LRMDA: variants seen among roughly 807,000 people sequenced by gnomAD.
LRMDA encodes the protein leucine rich melanocyte differentiation associated.
LRMDA carries 18 observed loss-of-function variants against 29.8 expected under a neutral mutation model. The observed-to-expected ratio is 0.60, with a 90% CI of 0.42 to 0.90. The LOEUF (loss-of-function observed/expected upper bound fraction) is 0.90, where lower values mean the gene tolerates loss of function less well. Ranked by LOEUF, LRMDA falls within the 40% of genes least tolerant of loss-of-function variation. The probability of loss-of-function intolerance (pLI) is 0.00; values close to 1 mark genes in which losing one functional copy is unlikely to be tolerated. For missense variants in LRMDA, 273 were observed against 273.9 expected (o/e 1.00, Z 0.02); for synonymous variants, 125 against 109.4 (o/e 1.14, Z -0.89).
intron 2 of LRMDA, among the ~76,000 whole-genome samples, chr10:75,537,933 G>T (rs1264699053): frequency 6.6e-6 from 1 of 152,060 alleles, no homozygotes; most frequent in African/African-American, 2.4e-5. Flanking sequence ...AATCCTAACC[G>T]TGTATATACC....
chr10:76,527,944 A>T (rs752444709), intron 6 of LRMDA, among the ~76,000 whole-genome samples: 4 of 152,264 alleles, frequency 2.6e-5, no homozygotes, highest in Non-Finnish European at 5.9e-5. Context: ...AGTGAGAAAC[A>T]TGTGGTAATG....
chr10:75,673,639 T>C (rs1377321435), intron 2 of LRMDA, among the ~76,000 whole-genome samples: 1 of 152,184 alleles, frequency 6.6e-6, no homozygotes, highest in East Asian at 1.9e-4. Flanking sequence ...GAATGATAAA[T>C]TGCTGAGCAG....
chr10:75,440,652 G>A (rs1367078701), intron 2 of LRMDA, among the ~76,000 whole-genome samples: 2 of 152,116 alleles, frequency 1.3e-5, no homozygotes, highest in Admixed American at 6.5e-5. Context: ...AAGAAGATTC[G>A]AGCTTATTTG....
At chr10:75,793,340 G>C (rs1417132419) in intron 2 of LRMDA, among the ~76,000 whole-genome samples, 1 of 152,140 alleles carries the variant, frequency 6.6e-6, no homozygotes, top group African/African-American at 2.4e-5. Context: ...CAGTGTACTG[G>C]GTTGCTCTAA....
intron 2 of LRMDA, among the ~76,000 whole-genome samples, chr10:75,654,844 G>A (rs1841647072): frequency 1.3e-5 from 2 of 152,170 alleles, no homozygotes; most frequent in Non-Finnish European, 2.9e-5. Context: ...GACAACAGAA[G>A]ACAATGAAAA....
intron 2 of LRMDA, among the ~76,000 whole-genome samples, chr10:75,554,092 T>G (rs984400082): frequency 6.6e-6 from 1 of 152,226 alleles, no homozygotes; most frequent in Non-Finnish European, 1.5e-5. Context: ...AGTCACACTT[T>G]GAAATTAAGT....
chr10:76,157,696 T>G (rs1419148510), intron 5 of LRMDA, among the ~76,000 whole-genome samples: 1 of 152,066 alleles, frequency 6.6e-6, no homozygotes, highest in Non-Finnish European at 1.5e-5. Context: ...TGACTCATTT[T>G]TTAGCATTAG....
At chr10:76,481,944 C>T (rs946818124) in intron 6 of LRMDA, among the ~76,000 whole-genome samples, 1 of 151,912 alleles carries the variant, frequency 6.6e-6, no homozygotes, top group Admixed American at 6.6e-5. Context: ...GCTTGATCTG[C>T]AAACTATGTT....
At chr10:76,442,657 A>G (rs1314164241) in intron 6 of LRMDA, among the ~76,000 whole-genome samples, 1 of 152,188 alleles carries the variant, frequency 6.6e-6, no homozygotes, top group Admixed American at 6.5e-5. Context: ...ACACCACTGC[A>G]CTGGGTGGAG....
intron 2 of LRMDA, among the ~76,000 whole-genome samples, chr10:75,833,465 G>A (rs572205970): frequency 3.7e-4 from 56 of 151,872 alleles, no homozygotes; most frequent in African/African-American, 1.3e-3. Context: ...TTCTCTTTTT[G>A]CTTAGTTTCC....
intron 3 of LRMDA, among the ~76,000 whole-genome samples, chr10:76,045,135 C>G (rs1589301466): frequency 6.7e-6 from 1 of 150,016 alleles, no homozygotes; most frequent in Non-Finnish European, 1.5e-5. Flanking sequence ...GCTAGTTTCC[C>G]CCTCTCTTGC....
Position 75,744,121 on chromosome 10 carries a change from A to G in LRMDA, c.132-291887A>G, listed in dbSNP as rs149008582. On this transcript the variant is annotated intron_variant, in intron 2 of 6. Transcript: ENST00000611255. ...ATTAGGTTACTGTTTTAAAAAATAC[A>G]TACCCTGGACACATCTATGGGAGCT... 4.0e-3 allele frequency among the ~76,000 whole-genome samples: 611 copies of G among 152,376 alleles called. 12 individuals are homozygous for G. Among genetic ancestry groups the G allele is most frequent in the Admixed American group, 0.033 (501 of 15,308 alleles).
intron 2 of LRMDA, among the ~76,000 whole-genome samples, chr10:75,561,987 C>A (rs1419229892): frequency 6.6e-6 from 1 of 151,914 alleles, no homozygotes; most frequent in Non-Finnish European, 1.5e-5. Flanking sequence ...TGGTGTGGTG[C>A]TGAAAAAAAT....
At chr10:76,060,462 C>T (rs554351445) in intron 5 of LRMDA, among the ~76,000 whole-genome samples, 4 of 152,270 alleles carry the variant, frequency 2.6e-5, no homozygotes, top group South Asian at 2.1e-4. Context: ...GTCACTGGCT[C>T]GCTTTATGGG....
chr10:76,132,022 A>G (rs557493271), intron 5 of LRMDA, among the ~76,000 whole-genome samples: 33 of 152,360 alleles, frequency 2.2e-4, no homozygotes, highest in African/African-American at 7.9e-4. Context: ...ACAATTCAAG[A>G]TGCAAATCTT....
chr10:76,258,431 C>G (rs540699420), intron 5 of LRMDA, among the ~76,000 whole-genome samples: 1 of 152,074 alleles, frequency 6.6e-6, no homozygotes, highest in African/African-American at 2.4e-5. Flanking sequence ...TATCCCTCAT[C>G]GCAAACATTT....
intron 2 of LRMDA, among the ~76,000 whole-genome samples, chr10:75,634,412 C>G (rs554656256): frequency 6.6e-6 from 1 of 152,194 alleles, no homozygotes; most frequent in Non-Finnish European, 1.5e-5. Flanking sequence ...CTGCCTCCCC[C>G]CAAAATCCTT....
At chr10:76,227,072 T>A (rs569019494) in intron 5 of LRMDA, among the ~76,000 whole-genome samples, 4 of 152,350 alleles carry the variant, frequency 2.6e-5, no homozygotes, top group African/African-American at 9.6e-5. Flanking sequence ...CTGAATCACA[T>A]GATGGAGTGA....
At chr10:75,506,271 A>C (rs1490136695) in intron 2 of LRMDA, among the ~76,000 whole-genome samples, 1 of 152,144 alleles carries the variant, frequency 6.6e-6, no homozygotes, top group Non-Finnish European at 1.5e-5. Context: ...GGGCATTCTG[A>C]GAGGACTTAG....
Sources: gnomAD v4.1 joint callset for allele counts (sites outside exome capture counted in the v4.1 genomes callset) on GRCh38, gnomAD v4.1.1 for gene constraint, MANE v1.5 for transcripts, NCBI Gene and HGNC (gene_info 2026-07-23, HGNC 2026-07-21) for gene names.